MMS22L: variants seen among roughly 807,000 people sequenced by gnomAD.
The protein encoded by MMS22L is MMS22 like, DNA repair protein.
In MMS22L, 74 loss-of-function variants were observed where a neutral mutation model predicts 159.1. That is an observed-to-expected ratio of 0.47 (90% CI 0.39 to 0.56). The LOEUF is 0.56. Ranked by LOEUF, MMS22L falls within the 20% of genes least tolerant of loss-of-function variation. The pLI is 0.00. For missense variants in MMS22L, 1,351 were observed against 1,422.1 expected, an observed-to-expected ratio of 0.95 and a Z score of 0.80; for synonymous variants, 517 against 506.9, an observed-to-expected ratio of 1.02 and a Z score of -0.27.
chr6:97,204,889 ATT>A (rs202187739), intron 14 of MMS22L, among the ~76,000 whole-genome samples: 174 of 124,174 alleles, frequency 1.4e-3, no homozygotes, highest in South Asian at 1.5e-3. Context: ...AGAGCTGGCA[ATT>A]TTTTTTTTTT....
chr6:97,278,182 C>T lies in MMS22L; in HGVS notation c.340+667G>A, dbSNP rs368279766. Among the ~76,000 whole-genome samples, 28 of 152,270 alleles carry T rather than the reference C, an allele frequency of 1.8e-4. 1 individual carries two copies. Among genetic ancestry groups the T allele is most frequent in the South Asian group, 4.2e-4 (2 of 4,818 alleles). On this transcript the variant is annotated intron_variant, in intron 4 of 24. Coordinates refer to ENST00000683635, the MANE Select transcript of MMS22L (RefSeq NM_001350599.2). ...ACTTCAGGAGGCCAAGGCAGGGGATCACTTGAGGTCAGGAGTTTGCGATCA... is the reference window on the plus strand; with the variant it reads ...ACTTCAGGAGGCCAAGGCAGGGGATTACTTGAGGTCAGGAGTTTGCGATCA...
chr6:97,232,218 G>C (rs896710836), intron 12 of MMS22L, among the ~76,000 whole-genome samples: 6 of 152,054 alleles, frequency 3.9e-5, no homozygotes, highest in Non-Finnish European at 7.4e-5. Context: ...GACTTTTTGT[G>C]ATGTTAAAAC....
chr6:97,233,798 C>T, intron 12 of MMS22L, 63 bp downstream of exon 12: 1 of 1,503,888 alleles, frequency 6.6e-7, no homozygotes, highest in Non-Finnish European at 8.9e-7. Context: ...ACCATAAAGA[C>T]ATTCCTCAAA....
rs150315958 is a variant in MMS22L at position 97,146,646 on chromosome 6, C to T, written c.*160G>A. ...CACAGTTGCTAATTAACCTTCAGTT[C>T]CTTATTTATACATTTTTTACTTACA... On this transcript the variant is annotated 3_prime_UTR_variant, in exon 25 of 25. Transcript: ENST00000683635. 1.8e-3 allele frequency: 823 copies of T among 467,342 alleles called. 2 individuals are homozygous for T. The highest frequency in any genetic ancestry group is 0.014 in the African/African-American group (660 of 48,290). 28.9% of individuals were successfully genotyped at this position (467,342 alleles called of 1,614,324 possible). A position where few individuals can be genotyped will look rare whatever the true frequency, so the allele number is the denominator to read the frequency against.
In MMS22L at chr6:97,282,406, G is replaced by C; in HGVS notation, c.72C>G (p.Cys24Trp). Residue 24 changes from cysteine to tryptophan, a missense_variant, in exon 2 of 25, where the codon TGC (cysteine) becomes TGG (tryptophan). Cys to Trp is a radical substitution (Grantham distance 215). Transcript: ENST00000683635. ...CAGCACAAGAAAAGTAAGGAGGTTTGCACCATTCCGTCCCCAGCTCCAGCT... is the reference window on the plus strand; with the variant it reads ...CAGCACAAGAAAAGTAAGGAGGTTTCCACCATTCCGTCCCCAGCTCCAGCT... The part of the protein sequence containing the change: ...SLELELGTEW[C>W]KPPYFSCAVD... The C allele has an allele frequency of 4.3e-6, 7 of 1,614,090 alleles. No homozygotes were observed. Among genetic ancestry groups the C allele is most frequent in the Non-Finnish European group, 5.9e-6 (7 of 1,179,972 alleles).
intron 3 of MMS22L, among the ~76,000 whole-genome samples, chr6:97,279,221 T>C (rs1053502414): frequency 2.2e-4 from 34 of 151,998 alleles, no homozygotes; most frequent in Non-Finnish European, 4.3e-4. Context: ...TGGTGGCTCT[T>C]GCCTGTAATC....
rs761886626 is a variant in MMS22L at position 97,269,894 on chromosome 6, A to T, written c.697+8T>A. 87 of 1,593,892 alleles carry T rather than the reference A, an allele frequency of 5.5e-5. No homozygotes were observed. Among genetic ancestry groups the T allele is most frequent in the Non-Finnish European group, 7.3e-5 (85 of 1,164,682 alleles). On this transcript the variant is annotated splice_region_variant and intron_variant, in intron 7 of 24. Transcript: ENST00000683635. ...AAAAGAATATAAATCATAAATCCAT[A>T]AACTTACTCAATTTTTCACCCAGCA...
chr6:97,190,847 C>G (rs1241034312), intron 14 of MMS22L, among the ~76,000 whole-genome samples: 1 of 152,160 alleles, frequency 6.6e-6, no homozygotes, highest in East Asian at 1.9e-4. Flanking sequence ...ATCCACCTAA[C>G]AGGGTTATTG....
At chr6:97,187,891 G>A (rs567198579) in intron 14 of MMS22L, among the ~76,000 whole-genome samples, 3 of 152,260 alleles carry the variant, frequency 2.0e-5, no homozygotes, top group Non-Finnish European at 1.5e-5. Flanking sequence ...TTAGGGCCTT[G>A]AGCCCCTTTA....
chr6:97,255,796 A>G (rs1311266130), intron 9 of MMS22L, among the ~76,000 whole-genome samples: 1 of 152,126 alleles, frequency 6.6e-6, no homozygotes, highest in Non-Finnish European at 1.5e-5. Context: ...TCCATTTTAA[A>G]TTGCTACGGT....
chr6:97,246,590 A>C (rs1812666641), intron 11 of MMS22L, 38 bp downstream of exon 11: 2 of 1,528,394 alleles, frequency 1.3e-6, no homozygotes, highest in Admixed American at 2.0e-5. Context: ...CATAAAAATT[A>C]AGCAAAATCC....
intron 14 of MMS22L, among the ~76,000 whole-genome samples, chr6:97,201,499 A>G (rs1402605902): frequency 6.6e-6 from 1 of 152,204 alleles, no homozygotes; most frequent in South Asian, 2.1e-4. Context: ...GTTAGACCCA[A>G]TAGTTTATTA....
intron 9 of MMS22L, chr6:97,261,555 GTTTC>G (rs1455717665): frequency 1.3e-5 from 2 of 152,078 alleles, no homozygotes; most frequent in South Asian, 2.1e-4. Context: ...CATGTTAATT[GTTTC>G]TTTATGTTAT....
intron 18 of MMS22L, among the ~76,000 whole-genome samples, chr6:97,177,389 C>G (rs918357536): frequency 6.6e-6 from 1 of 152,042 alleles, no homozygotes; most frequent in African/African-American, 2.4e-5. Flanking sequence ...GAAGTAAAGG[C>G]CACCTGAGAT....
At chr6:97,235,972 T>C (rs938699855) in intron 11 of MMS22L, among the ~76,000 whole-genome samples, 1 of 152,082 alleles carries the variant, frequency 6.6e-6, no homozygotes, top group African/African-American at 2.4e-5. Context: ...TTTCAATGAT[T>C]TATGAGGCAA....
At chr6:97,253,257 C>A (rs906611031) in intron 10 of MMS22L, among the ~76,000 whole-genome samples, 13 of 152,110 alleles carry the variant, frequency 8.5e-5, no homozygotes, top group Admixed American at 1.3e-4. Context: ...TACTAACTAA[C>A]CCTCAGATTC....
At position 97,186,672 on chromosome 6, in the gene MMS22L, C is replaced by T. The variant is rs1418532886; in HGVS notation, c.2058G>A (p.Leu686=). ...LARIRSMHQQ[L]CQELQRDNVD... is the part of the protein sequence containing the mutation. ...CATTGTCCCTTTGAAGTTCCTGACA[C>T]AATTGTTGATGCATACTCCTAAAAA... is the stretch of plus-strand genomic sequence containing the variant. The change falls in exon 15 of 25, where the codon TTG becomes TTA. Residue 686 remains leucine (L), a synonymous_variant. Coordinates refer to ENST00000683635, the MANE Select transcript of MMS22L (RefSeq NM_001350599.2). 2 of 1,561,604 alleles carry T rather than the reference C, an allele frequency of 1.3e-6. No individual in the cohort carries two copies. The highest frequency in any genetic ancestry group is 2.4e-5 in the East Asian group (1 of 42,266).
At chr6:97,192,580 C>G (rs1336045064) in intron 14 of MMS22L, among the ~76,000 whole-genome samples, 3 of 152,172 alleles carry the variant, frequency 2.0e-5, no homozygotes, top group African/African-American at 7.2e-5. Context: ...GCTTCTAAAT[C>G]CTAATAAACA....
intron 11 of MMS22L, among the ~76,000 whole-genome samples, chr6:97,236,806 C>T (rs976873442): frequency 3.3e-5 from 5 of 152,038 alleles, no homozygotes; most frequent in Non-Finnish European, 4.4e-5. Context: ...AAAAATTTAG[C>T]TGGTCATGGT....
Sources: allele counts gnomAD v4.1 joint callset (sites outside exome capture counted in the v4.1 genomes callset), GRCh38; gene constraint gnomAD v4.1.1; transcripts MANE v1.5; gene names NCBI Gene and HGNC (gene_info 2026-07-23, HGNC 2026-07-21).